EPN2: variants seen among roughly 807,000 people sequenced by gnomAD.
EPN2 encodes epsin 2.
Under a neutral mutation model 61.7 loss-of-function variants are expected in EPN2, and 34 were observed. The ratio of observed to expected loss-of-function variants is 0.55; its 90% confidence interval spans 0.42 to 0.73. EPN2 has a LOEUF of 0.73. Ranked by LOEUF, EPN2 falls within the 30% of genes least tolerant of loss-of-function variation. The pLI, the probability that EPN2 is intolerant of heterozygous loss-of-function variation, is 0.00. For missense variants in EPN2, 714 were observed against 839.2 expected, an observed-to-expected ratio of 0.85 and a Z score of 1.84; for synonymous variants, 349 against 353.6, an observed-to-expected ratio of 0.99 and a Z score of 0.15.
intron 1 of EPN2, among the ~76,000 whole-genome samples, chr17:19,268,689 C>T (rs2045224967): frequency 1.3e-5 from 2 of 152,170 alleles, no homozygotes; most frequent in Non-Finnish European, 2.9e-5. Context: ...GCTATAGAAG[C>T]ACTTTTCACA....
At chr17:19,312,416 G>C (rs575734535) in intron 6 of EPN2, among the ~76,000 whole-genome samples, 33 of 152,344 alleles carry the variant, frequency 2.2e-4, no homozygotes, top group East Asian at 1.7e-3. Context: ...CTGTGGCTAC[G>C]GCAGCTGTCA....
chr17:19,327,702 A>G (rs1232671490), intron 7 of EPN2, among the ~76,000 whole-genome samples: 1 of 152,164 alleles, frequency 6.6e-6, no homozygotes, highest in African/African-American at 2.4e-5. Flanking sequence ...ACATATTTAG[A>G]CACACATACA....
chr17:19,240,792 G>T (rs1034487402), intron 1 of EPN2, among the ~76,000 whole-genome samples: 1 of 152,170 alleles, frequency 6.6e-6, no homozygotes, highest in Admixed American at 6.5e-5. Context: ...ACACTGTGAC[G>T]TCTTTGAGGC....
At chr17:19,324,228 G>C (rs1276934485) in intron 7 of EPN2, among the ~76,000 whole-genome samples, 1 of 152,158 alleles carries the variant, frequency 6.6e-6, no homozygotes, top group African/African-American at 2.4e-5. Flanking sequence ...TAAAAAATCA[G>C]TTAAAAGGAT....
intron 4 of EPN2, among the ~76,000 whole-genome samples, chr17:19,305,441 T>G (rs1036306909): frequency 6.6e-6 from 1 of 152,196 alleles, no homozygotes; most frequent in Admixed American, 6.5e-5. Context: ...ATTTGTGTTT[T>G]TTGTACTTGC....
chr17:19,320,436 C>T (rs1182550355), intron 7 of EPN2, among the ~76,000 whole-genome samples: 1 of 152,138 alleles, frequency 6.6e-6, no homozygotes, highest in African/African-American at 2.4e-5. Flanking sequence ...GCTGGGTGCT[C>T]ACATGGGGCC....
In EPN2 at chr17:19,328,896, C is replaced by T. The variant is rs374319130; in HGVS notation, c.1324+9C>T. On this transcript the variant is annotated intron_variant, in intron 8 of 10. Transcript: ENST00000314728. ...GCCCGTGTCTGTCTCTGGTGAGCCC[C>T]TCACTCACCCACTTTCCTGCCTGGC... 3 of 1,600,676 alleles carry T rather than the reference C, an allele frequency of 1.9e-6. No homozygotes were observed. The highest frequency in any genetic ancestry group is 1.1e-5 in the South Asian group (1 of 89,236).
chr17:19,309,877 C>T lies in EPN2; in HGVS notation c.767-8C>T, dbSNP rs756361975. The T allele has an allele frequency of 1.2e-6, 2 of 1,604,040 alleles. No individual in the cohort carries two copies. Among genetic ancestry groups the T allele is most frequent in the Non-Finnish European group, 1.7e-6 (2 of 1,179,346 alleles). On this transcript the variant is annotated splice_region_variant and splice_polypyrimidine_tract_variant and intron_variant, in intron 4 of 10. Coordinates refer to ENST00000314728, the MANE Select transcript of EPN2 (RefSeq NM_014964.5). ...TTTTGCATATGATGACTTGGTCTTCCCCAACAGCCACCTCCCCGCGAGTGT... is the reference window on the plus strand; with the variant it reads ...TTTTGCATATGATGACTTGGTCTTCTCCAACAGCCACCTCCCCGCGAGTGT...
chr17:19,305,974 CTT>C (rs1423395751), intron 4 of EPN2: 1 of 152,230 alleles, frequency 6.6e-6, no homozygotes, highest in Non-Finnish European at 1.5e-5. Context: ...CAAGTGAAGA[CTT>C]GGAGCTCTTC....
intron 1 of EPN2, among the ~76,000 whole-genome samples, chr17:19,261,205 G>T (rs1436663697): frequency 1.3e-5 from 2 of 152,198 alleles, no homozygotes; most frequent in Admixed American, 6.5e-5. Context: ...GTTCCATGTT[G>T]CACTCCCACT....
intron 4 of EPN2, chr17:19,303,826 C>A (rs1473577477): frequency 1.3e-5 from 2 of 151,932 alleles, no homozygotes; most frequent in African/African-American, 4.8e-5. Context: ...TGGTGTAGTC[C>A]GGGTGGGGTG....
chr17:19,250,094 G>GAATT (rs2044997637), intron 1 of EPN2, among the ~76,000 whole-genome samples: 1 of 151,366 alleles, frequency 6.6e-6, no homozygotes, highest in Non-Finnish European at 1.5e-5. Flanking sequence ...ATTAGAAACT[G>GAATT]AATTTTTTTT....
intron 1 of EPN2, among the ~76,000 whole-genome samples, chr17:19,247,923 G>T (rs1185497394): frequency 6.6e-6 from 1 of 152,208 alleles, no homozygotes; most frequent in Non-Finnish European, 1.5e-5. Context: ...GACTCCCTGG[G>T]AGCCTGCAAA....
At chr17:19,311,138 A>G (rs1464409643) in intron 5 of EPN2, among the ~76,000 whole-genome samples, 6 of 152,200 alleles carry the variant, frequency 3.9e-5, no homozygotes, top group Admixed American at 2.6e-4. Context: ...TTGTGTGTCT[A>G]TAACTGGCAA....
chr17:19,335,281 G>T lies in EPN2; in HGVS notation c.*1027G>T. ...AAACTGATTGACTTTCAGCCTTTTT[G>T]GCTAGATCCTGAGAGGCTATTTTTC... On this transcript the variant is annotated 3_prime_UTR_variant, in exon 11 of 11. Transcript: ENST00000314728. 1.1e-6 allele frequency: 1 copy of T among 937,748 alleles called. No individual in the cohort carries two copies. Among genetic ancestry groups the T allele is most frequent in the Non-Finnish European group, 1.5e-6 (1 of 648,588 alleles). 58.1% of individuals were successfully genotyped at this position (937,748 alleles called of 1,614,324 possible).
chr17:19,297,610 A>G (rs779274840), intron 4 of EPN2, among the ~76,000 whole-genome samples: 1 of 152,136 alleles, frequency 6.6e-6, no homozygotes, highest in Non-Finnish European at 1.5e-5. Flanking sequence ...GGTGGTGTTC[A>G]GGCAGGCAGT....
chr17:19,239,379 T>TG lies in EPN2; in HGVS notation c.-294+1849dup, dbSNP rs112957336. On this transcript the variant is annotated intron_variant, in intron 1 of 10. Transcript: ENST00000314728. ...GTTGGCCAGGCTGGTCTCGAACTCCTGACCTCATGTGATCCGCCCACCTCG... is the reference window on the plus strand; with the variant it reads ...GTTGGCCAGGCTGGTCTCGAACTCCTGGACCTCATGTGATCCGCCCACCTCG... Among the ~76,000 whole-genome samples the TG allele has an allele frequency of 5.8e-4, 88 of 152,368 alleles. 1 individual carries two copies. The highest frequency in any genetic ancestry group is 2.0e-3 in the African/African-American group (83 of 41,590).
chr17:19,259,923 T>C (rs1337329851), intron 1 of EPN2, among the ~76,000 whole-genome samples: 1 of 152,258 alleles, frequency 6.6e-6, no homozygotes, highest in Non-Finnish European at 1.5e-5. Flanking sequence ...TGGAATGTGC[T>C]TTGCCTGTTG....
intron 1 of EPN2, among the ~76,000 whole-genome samples, chr17:19,270,743 A>G (rs1168736222): frequency 6.6e-6 from 1 of 152,148 alleles, no homozygotes; most frequent in Non-Finnish European, 1.5e-5. Flanking sequence ...TGAGAACTAC[A>G]TATTTCAGCC....
Sources: gnomAD v4.1 joint callset for allele counts (sites outside exome capture counted in the v4.1 genomes callset) on GRCh38, gnomAD v4.1.1 for gene constraint, MANE v1.5 for transcripts, NCBI Gene and HGNC (gene_info 2026-07-23, HGNC 2026-07-21) for gene names.